CLEC20A: variants seen among roughly 807,000 people sequenced by gnomAD.
CLEC20A encodes the protein C-type lectin domain containing 20A, also known as putative C-type lectin domain family 20 member A.
chr1:178,488,599 T>G (rs1649205707), exon 5 of CLEC20A: 1 of 398,208 alleles, frequency 2.5e-6, no homozygotes, highest in African/African-American at 2.1e-5. Context: ...AGTGGAGGAG[T>G]CTGCAAGAAA....
rs557065940 is a variant in CLEC20A at position 178,494,750 on chromosome 1, T to TA, written c.100dup (p.Tyr34LeufsTer16). On this transcript the variant is annotated frameshift_variant, in exon 2 of 8. Coordinates refer to ENST00000623247, the Ensembl canonical transcript of CLEC20A. LOFTEE classifies it high-confidence loss of function. ...CAGCCGGCAGTGCTGCTGGGCGTCG[T>TA]ACCAGCTCAGCGCCTCCTTCACCAG... 15 of 399,280 alleles carry TA rather than the reference T, an allele frequency of 3.8e-5. No homozygotes were observed. In the South Asian group the frequency reaches 1.9e-3, roughly 51 times the overall value. 24.7% of individuals were successfully genotyped at this position (399,280 alleles called of 1,614,324 possible).
intron 1 of CLEC20A, 132 bp from the exon 2 acceptor site, chr1:178,494,942 C>T (rs1649351342): frequency 5.0e-6 from 2 of 397,792 alleles, no homozygotes. Context: ...GCTGGCCCAC[C>T]AGTCATATCC....
chr1:178,481,083 T>TC (rs1252315974), intron 7 of CLEC20A: 1 of 152,046 alleles, frequency 6.6e-6, no homozygotes, highest in African/African-American at 2.4e-5. Flanking sequence ...AGCTCTCCAG[T>TC]CCCCCCTCCA....
chr1:178,492,690 A>G (rs886184052), intron 2 of CLEC20A, 124 bp from the exon 3 acceptor site: 19 of 397,318 alleles, frequency 4.8e-5, no homozygotes, highest in African/African-American at 3.9e-4. Context: ...CCCTTTCCAC[A>G]TCGATTCAAT....
At chr1:178,494,848 A>C (rs1023842280) in intron 1 of CLEC20A, 38 bp from the exon 2 acceptor site, 76 of 398,674 alleles carry the variant, frequency 1.9e-4, no homozygotes, top group Non-Finnish European at 2.5e-4. Context: ...GGCTGTCCCC[A>C]CCCCAGCCCC....
intron 2 of CLEC20A, among the ~76,000 whole-genome samples, chr1:178,493,926 A>T (rs1415208044): frequency 1.3e-5 from 2 of 152,208 alleles, no homozygotes; most frequent in African/African-American, 4.8e-5. Flanking sequence ...TTTGTATTCT[A>T]TCCTGACTTA....
intron 5 of CLEC20A, among the ~76,000 whole-genome samples, chr1:178,485,841 T>A (rs768838089): frequency 1.3e-5 from 2 of 152,214 alleles, no homozygotes; most frequent in Non-Finnish European, 2.9e-5. Flanking sequence ...ATCTCAATAA[T>A]TCATAATTGT....
At chr1:178,495,555 A>T (rs771501584) in intron 1 of CLEC20A, among the ~76,000 whole-genome samples, 1 of 152,214 alleles carries the variant, frequency 6.6e-6, no homozygotes, top group Non-Finnish European at 1.5e-5. Context: ...GTCTGTCTGT[A>T]TCACCTGGTA....
intron 3 of CLEC20A, among the ~76,000 whole-genome samples, chr1:178,491,985 C>T (rs1649275411): frequency 6.6e-6 from 1 of 152,054 alleles, no homozygotes; most frequent in African/African-American, 2.4e-5. Context: ...CTGGGCCCAT[C>T]AGAATAATAA....
At chr1:178,487,951 T>A (rs1473534957) in intron 5 of CLEC20A, among the ~76,000 whole-genome samples, 1 of 152,202 alleles carries the variant, frequency 6.6e-6, no homozygotes, top group Non-Finnish European at 1.5e-5. Flanking sequence ...GCTGTGAAGA[T>A]GTTTCAGAAA....
At chr1:178,480,799 A>T (rs1414815104) in intron 7 of CLEC20A, 1 of 151,984 alleles carries the variant, frequency 6.6e-6, no homozygotes, top group Non-Finnish European at 1.5e-5. Flanking sequence ...TAAAAATTAA[A>T]AAAAAAAGTA....
At chr1:178,482,098 A>C (rs1467365568) in intron 7 of CLEC20A, 1 of 384,548 alleles carries the variant, frequency 2.6e-6, no homozygotes, top group African/African-American at 2.1e-5. Context: ...AACAACAAAA[A>C]AAAAAACTTA....
At chr1:178,479,646 T>C in intron 7 of CLEC20A, 31 bp from the exon 8 acceptor site, 2 of 398,378 alleles carry the variant, frequency 5.0e-6, no homozygotes, top group Middle Eastern at 6.3e-4. Flanking sequence ...AAAGTGTTGA[T>C]GCGGTCTTTT....
rs188630973 is a variant in CLEC20A, at chr1:178,491,583, G to A, written c.463+918C>T. On this transcript the variant is annotated intron_variant, in intron 3 of 7. Coordinates refer to ENST00000623247, the Ensembl canonical transcript of CLEC20A. Reference sequence around the variant, plus strand: ...GCCTCAGTTCACAGATGAGGAAAAGGAGGCTCAGGGAGGCAACAACCTGCC... The same window carrying A: ...GCCTCAGTTCACAGATGAGGAAAAGAAGGCTCAGGGAGGCAACAACCTGCC... Among the ~76,000 whole-genome samples the A allele has an allele frequency of 1.7e-4, 26 of 152,236 alleles. 1 individual carries two copies. In the South Asian group the frequency reaches 3.5e-3, roughly 21 times the overall value.
At chr1:178,487,046 T>C (rs1055572028) in intron 5 of CLEC20A, 1 of 388,326 alleles carries the variant, frequency 2.6e-6, no homozygotes, top group Non-Finnish European at 4.5e-6. Context: ...ACGGGGCCGG[T>C]GCTGGTCCCT....
At chr1:178,494,889 G>A (rs1649350125) in intron 1 of CLEC20A, 79 bp from the exon 2 acceptor site, 1 of 398,340 alleles carries the variant, frequency 2.5e-6, no homozygotes, top group Non-Finnish European at 4.4e-6. Context: ...GCCACACTCG[G>A]GTGGGCCTCC....
intron 1 of CLEC20A, among the ~76,000 whole-genome samples, chr1:178,495,244 A>G (rs1167473504): frequency 6.6e-6 from 1 of 152,174 alleles, no homozygotes; most frequent in Non-Finnish European, 1.5e-5. Context: ...CTAAGATAGC[A>G]CTCTGTTTTA....
Position 178,492,280 on chromosome 1 carries a change from AAAAAAAT to A in CLEC20A, c.463+214_463+220del, listed in dbSNP as rs548472482. On this transcript the variant is annotated intron_variant, in intron 3 of 7. Transcript: ENST00000623247. ...GACAGAGTGAGACCATCCGTGTCTT[AAAAAAAT>A]AAAAAATAAAAAATAAAAATAAGGA... Among the ~76,000 whole-genome samples the A allele has an allele frequency of 7.9e-4, 120 of 152,102 alleles. 1 individual carries two copies. The highest frequency in any genetic ancestry group is 2.0e-3 in the Admixed American group (31 of 15,290).
chr1:178,494,390 G>T lies in CLEC20A; in HGVS notation c.397+64C>A, dbSNP rs1649338487. The T allele has an allele frequency of 1.5e-5, 6 of 399,272 alleles. No individual in the cohort carries two copies. In the East Asian group the frequency reaches 2.1e-4, roughly 14 times the overall value. The allele number at this position is 399,272 out of a possible 1,614,324, so 24.7% of individuals were successfully genotyped here. A position where few individuals can be genotyped will look rare whatever the true frequency, so the allele number is the denominator to read the frequency against. On this transcript the variant is annotated intron_variant, in intron 2 of 7. Transcript: ENST00000623247. Reference sequence around the variant, plus strand: ...GCTATGATCACACCACTGCACTCCAGCCTGGGCAACAGAGTGAGGCCCCTG... The same window carrying T: ...GCTATGATCACACCACTGCACTCCATCCTGGGCAACAGAGTGAGGCCCCTG...
Sources: allele counts gnomAD v4.1 joint callset (sites outside exome capture counted in the v4.1 genomes callset), GRCh38; gene constraint gnomAD v4.1.1; transcripts MANE v1.5; gene names NCBI Gene and HGNC (gene_info 2026-07-23, HGNC 2026-07-21).